GNAI1: variants seen among roughly 807,000 people sequenced by gnomAD.
GNAI1 encodes the protein guanine nucleotide-binding protein G(i) subunit alpha-1.
A neutral mutation model predicts 38.9 loss-of-function variants in GNAI1; 11 were observed. That is an observed-to-expected ratio of 0.28 (90% CI 0.18 to 0.47). GNAI1 has a LOEUF of 0.47. Among genes scored for constraint, GNAI1 ranks in the 20% least tolerant of loss-of-function variants. The pLI is 0.99. For synonymous variants in GNAI1, 166 were observed against 145.1 expected, an observed-to-expected ratio of 1.14 and a Z score of -1.04; for missense variants, 317 against 436.9, an observed-to-expected ratio of 0.73 and a Z score of 2.45.
intron 1 of GNAI1, 107 bp downstream of exon 1, chr7:80,135,385 G>C (rs931034346): frequency 1.7e-6 from 1 of 597,346 alleles, no homozygotes; most frequent in Admixed American, 4.3e-5. Flanking sequence ...AAGCGCCCGA[G>C]GAGGCTTCTG....
rs1362567318 is a variant in GNAI1 at position 80,190,783 on chromosome 7, G to A, written c.303+1552G>A. On this transcript the variant is annotated intron_variant, in intron 3 of 7. Transcript: ENST00000649796. ...TTATGTGCTTACGAAAGAAAAAAGC[G>A]TTGTAGCCTCCATTTTAGGAGATCA... Among the ~76,000 whole-genome samples, 12 of 152,194 alleles carry A rather than the reference G, an allele frequency of 7.9e-5. No individual in the cohort carries two copies. In the East Asian group the frequency reaches 1.4e-3, roughly 17 times the overall value.
intron 5 of GNAI1, among the ~76,000 whole-genome samples, chr7:80,205,540 A>G (rs1047984404): frequency 2.0e-5 from 3 of 152,270 alleles, no homozygotes; most frequent in South Asian, 2.1e-4. Context: ...CTAAATTTCA[A>G]CTTTTAAATA....
chr7:80,154,783 G>A (rs1453694835), intron 1 of GNAI1, among the ~76,000 whole-genome samples: 2 of 152,114 alleles, frequency 1.3e-5, no homozygotes, highest in South Asian at 2.1e-4. Context: ...ATTTACATTT[G>A]CAAGAAGTTG....
chr7:80,137,178 A>G (rs1425319986), intron 1 of GNAI1, among the ~76,000 whole-genome samples: 1 of 151,804 alleles, frequency 6.6e-6, no homozygotes, highest in Non-Finnish European at 1.5e-5. Context: ...CTGAATGTAT[A>G]ATACAGAACC....
intron 1 of GNAI1, among the ~76,000 whole-genome samples, chr7:80,174,117 T>C (rs1788142726): frequency 2.6e-5 from 4 of 152,124 alleles, no homozygotes; most frequent in Admixed American, 2.6e-4. Flanking sequence ...GGAAGATGGG[T>C]AGATGCAAAG....
chr7:80,160,391 A>G (rs2116127039), intron 1 of GNAI1, among the ~76,000 whole-genome samples: 1 of 152,138 alleles, frequency 6.6e-6, no homozygotes, highest in African/African-American at 2.4e-5. Flanking sequence ...ATTCTGTAAG[A>G]GAAGAACTGT....
rs750651572 is a variant in GNAI1, at chr7:80,224,924, CTT to C, written c.*7433_*7434del. Among the ~76,000 whole-genome samples the C allele has an allele frequency of 8.5e-5, 13 of 152,060 alleles. No homozygotes were observed. The highest frequency in any genetic ancestry group is 1.6e-4 in the Non-Finnish European group (11 of 68,002). ...TTTTGGAAAATAGGTACTCATGTGTCTTTGCATTATATTTGTATTTGGGAAAT... is the reference window on the plus strand; with the variant it reads ...TTTTGGAAAATAGGTACTCATGTGTCTGCATTATATTTGTATTTGGGAAAT... On this transcript the variant is annotated 3_prime_UTR_variant, in exon 8 of 8. Transcript: ENST00000649796.
At chr7:80,216,553 C>CGA (rs1164837802) in intron 7 of GNAI1, among the ~76,000 whole-genome samples, 1 of 152,166 alleles carries the variant, frequency 6.6e-6, no homozygotes, top group Non-Finnish European at 1.5e-5. Context: ...TTTTGCTCAA[C>CGA]AGTACACTTA....
Position 80,212,872 on chromosome 7 carries a change from AT to A in GNAI1, c.874+7del. On this transcript the variant is annotated splice_donor_region_variant and intron_variant, in intron 7 of 7. Transcript: ENST00000649796. The stretch of plus-strand genomic sequence containing the variant: ...TATATGCTATCCAGAATATGCAGGT[AT>A]TTTCCTTTTCTGGGAATAACTTGTC... 1 of 1,546,242 alleles carries A rather than the reference AT, an allele frequency of 6.5e-7. No individual in the cohort carries two copies. The highest frequency in any genetic ancestry group is 2.2e-5 in the Admixed American group (1 of 44,850).
At chr7:80,178,230 C>A (rs1217874054) in intron 1 of GNAI1, among the ~76,000 whole-genome samples, 3 of 152,200 alleles carry the variant, frequency 2.0e-5, no homozygotes, top group Admixed American at 6.5e-5. Context: ...AAAATGGTTT[C>A]TTGAGATGGA....
chr7:80,210,966 C>A lies in GNAI1; in HGVS notation c.591-3C>A. 10 of 1,612,568 alleles carry A rather than the reference C, an allele frequency of 6.2e-6. No homozygotes were observed. The highest frequency in any genetic ancestry group is 8.5e-6 in the Non-Finnish European group (10 of 1,178,666). On this transcript the variant is annotated splice_region_variant and splice_polypyrimidine_tract_variant and intron_variant, in intron 5 of 7. Transcript: ENST00000649796. ...GATGTTAACTCATTTCTCCTCTTAA[C>A]AGAATGTTTGATGTGGGAGGTCAGA...
chr7:80,160,700 A>G (rs1323681659), intron 1 of GNAI1, among the ~76,000 whole-genome samples: 2 of 152,166 alleles, frequency 1.3e-5, no homozygotes, highest in East Asian at 3.8e-4. Context: ...ATTACTTTGA[A>G]TTGTTGATGT....
intron 1 of GNAI1, among the ~76,000 whole-genome samples, chr7:80,137,354 G>A (rs1329026282): frequency 1.9e-5 from 2 of 108,068 alleles, no homozygotes; most frequent in Non-Finnish European, 3.4e-5. Context: ...GGAGTCTTGC[G>A]CAGTCGCCCA....
rs1373611738 is a variant in GNAI1, at chr7:80,225,840, GATTT to G, written c.*8350_*8353del. Among the ~76,000 whole-genome samples the G allele has an allele frequency of 1.3e-5, 2 of 152,094 alleles. No individual in the cohort carries two copies. Among genetic ancestry groups the G allele is most frequent in the African/African-American group, 4.8e-5 (2 of 41,418 alleles). On this transcript the variant is annotated 3_prime_UTR_variant, in exon 8 of 8. Coordinates refer to ENST00000649796, the MANE Select transcript of GNAI1 (RefSeq NM_002069.6). The stretch of plus-strand genomic sequence containing the variant: ...AATGGGATCGATCTGAGAAAAATTA[GATTT>G]ATGTGCAGATTTTAGCTACCCTTGT...
chr7:80,222,446 GGTGCGATC>G lies in GNAI1; in HGVS notation c.*4954_*4961del, dbSNP rs1270833700. Among the ~76,000 whole-genome samples, 2 of 147,612 alleles carry G rather than the reference GGTGCGATC, an allele frequency of 1.4e-5. No homozygotes were observed. Among genetic ancestry groups the G allele is most frequent in the Non-Finnish European group, 3.0e-5 (2 of 67,432 alleles). On this transcript the variant is annotated 3_prime_UTR_variant, in exon 8 of 8. Transcript: ENST00000649796. ...CTTGTTTCCCAGGCTGGAGCGCAAT[GGTGCGATC>G]TCGGCTCACCGCAACATCCGCCTCC...
chr7:80,223,500 ATCCT>A lies in GNAI1; in HGVS notation c.*6014_*6017del, dbSNP rs1286552521. ...GAAACTTCACAGAGTTTTAGCTTTG[ATCCT>A]TCCTTCACTTTTGAAAATCAAGAGT... On this transcript the variant is annotated 3_prime_UTR_variant, in exon 8 of 8. Transcript: ENST00000649796. 3.9e-5 allele frequency among the ~76,000 whole-genome samples: 6 copies of A among 152,158 alleles called. No individual in the cohort carries two copies. Among genetic ancestry groups the A allele is most frequent in the East Asian group, 1.9e-4 (1 of 5,188 alleles).
rs1294296240 is a variant in GNAI1, at chr7:80,225,840, G to A, written c.*8347G>A. On this transcript the variant is annotated 3_prime_UTR_variant, in exon 8 of 8. Coordinates refer to ENST00000649796, the MANE Select transcript of GNAI1 (RefSeq NM_002069.6). Reference sequence around the variant, plus strand: ...AATGGGATCGATCTGAGAAAAATTAGATTTATGTGCAGATTTTAGCTACCC... The same window carrying A: ...AATGGGATCGATCTGAGAAAAATTAAATTTATGTGCAGATTTTAGCTACCC... Among the ~76,000 whole-genome samples the A allele has an allele frequency of 6.6e-6, 1 of 152,094 alleles. No individual in the cohort carries two copies. Among genetic ancestry groups the A allele is most frequent in the African/African-American group, 2.4e-5 (1 of 41,418 alleles).
chr7:80,180,984 C>A (rs1051892026), intron 1 of GNAI1, among the ~76,000 whole-genome samples: 10 of 151,964 alleles, frequency 6.6e-5, no homozygotes, highest in African/African-American at 2.4e-4. Context: ...ATTTCACATA[C>A]CTTTTCAGTG....
At chr7:80,154,152 T>C (rs1482942572) in intron 1 of GNAI1, among the ~76,000 whole-genome samples, 1 of 152,134 alleles carries the variant, frequency 6.6e-6, no homozygotes, top group Non-Finnish European at 1.5e-5. Flanking sequence ...CAAACTCCTG[T>C]ACTCAAGTAG....
Sources: allele counts gnomAD v4.1 joint callset (sites outside exome capture counted in the v4.1 genomes callset), GRCh38; gene constraint gnomAD v4.1.1; transcripts MANE v1.5; gene names NCBI Gene and HGNC (gene_info 2026-07-23, HGNC 2026-07-21).